RNF170: variants seen among roughly 807,000 people sequenced by gnomAD.
RNF170 encodes the protein ring finger protein 170.
A neutral mutation model predicts 32.7 loss-of-function variants in RNF170; 12 were observed. The observed-to-expected ratio is 0.37, with a 90% CI of 0.24 to 0.60. RNF170 has a LOEUF of 0.60. RNF170 is among the 20% of genes least tolerant of loss of function. RNF170 has a pLI of 0.72. For synonymous variants in RNF170, 91 were observed against 103.6 expected (o/e 0.88, Z 0.74); for missense variants, 212 against 311.2 (o/e 0.68, Z 2.40).
At chr8:42,860,458 T>C (rs1803572082) in intron 6 of RNF170, among the ~76,000 whole-genome samples, 1 of 151,950 alleles carries the variant, frequency 6.6e-6, no homozygotes, top group African/African-American at 2.4e-5. Flanking sequence ...AGTCTCACTC[T>C]GTTGCCCAGG....
chr8:42,877,666 CTA>C (rs891484676), intron 2 of RNF170, among the ~76,000 whole-genome samples: 8 of 152,070 alleles, frequency 5.3e-5, no homozygotes, highest in Admixed American at 5.2e-4. Flanking sequence ...AGAGTTAAAA[CTA>C]TACAAATTTT....
intron 1 of RNF170, among the ~76,000 whole-genome samples, chr8:42,894,556 C>A (rs769724369): frequency 2.0e-5 from 3 of 152,116 alleles, no homozygotes; most frequent in Non-Finnish European, 2.9e-5. Context: ...ACAGGCGAGA[C>A]ACACATGTGT....
chr8:42,889,048 G>A (rs1806079878), intron 1 of RNF170, among the ~76,000 whole-genome samples: 1 of 152,156 alleles, frequency 6.6e-6, no homozygotes, highest in East Asian at 1.9e-4. Context: ...CATACTTACA[G>A]TGTTGTAATT....
rs1255139524 is a variant in RNF170 at position 42,858,613 on chromosome 8, C to T, written c.508-2185G>A. On this transcript the variant is annotated intron_variant, in intron 6 of 6. Transcript: ENST00000527424. ...CGCCATGAAGGAAAGGTACAGAGGG[C>T]GCCACAGAGCAGGGAAAACTTCTCC... Among the ~76,000 whole-genome samples the T allele has an allele frequency of 1.1e-4, 16 of 152,208 alleles. 1 individual carries two copies. The highest frequency in any genetic ancestry group is 3.4e-3 in the Middle Eastern group (1 of 294).
chr8:42,860,329 GATTT>G (rs542866814), intron 6 of RNF170, among the ~76,000 whole-genome samples: 267 of 152,320 alleles, frequency 1.8e-3, no homozygotes, highest in Middle Eastern at 6.8e-3. Context: ...GCTAGTTTTT[GATTT>G]ATCAAATACT....
intron 3 of RNF170, among the ~76,000 whole-genome samples, chr8:42,871,105 G>C (rs1346490107): frequency 6.6e-6 from 1 of 152,058 alleles, no homozygotes; most frequent in African/African-American, 2.4e-5. Flanking sequence ...AGCTACTCGG[G>C]AGGGTGAGGT....
intron 4 of RNF170, among the ~76,000 whole-genome samples, chr8:42,868,389 G>A (rs932753382): frequency 1.3e-5 from 2 of 152,120 alleles, no homozygotes; most frequent in Admixed American, 1.3e-4. Flanking sequence ...CCTACATTTT[G>A]GGAGCAATAA....
chr8:42,861,724 A>G (rs1803676885), intron 6 of RNF170, 21 bp downstream of exon 6: 1 of 1,535,940 alleles, frequency 6.5e-7, no homozygotes, highest in African/African-American at 1.4e-5. Context: ...CTAACTTTGA[A>G]CATGCTTTAG....
intron 6 of RNF170, among the ~76,000 whole-genome samples, chr8:42,859,012 A>G (rs759359149): frequency 1.3e-5 from 2 of 151,758 alleles, no homozygotes; most frequent in African/African-American, 2.4e-5. Context: ...GCGAAACCCC[A>G]TCTCTACAAA....
Position 42,871,205 on chromosome 8 carries a change from C to CA in RNF170, c.214-1094dup, listed in dbSNP as rs35764216. ...TGCCTGGGCAACAGAGACCCTGTCT[C>CA]AAAAAAAAAAAGTGTCTACATAACA... On this transcript the variant is annotated intron_variant, in intron 3 of 6. Coordinates refer to ENST00000527424, the MANE Select transcript of RNF170 (RefSeq NM_030954.4). Among the ~76,000 whole-genome samples, 206 of 140,012 alleles carry CA rather than the reference C, an allele frequency of 1.5e-3. 1 individual carries two copies. The highest frequency in any genetic ancestry group is 0.011 in the South Asian group (50 of 4,482). The allele number at this position is 140,012 out of a possible 152,430, so 91.9% of individuals were successfully genotyped here. A position where few individuals can be genotyped will look rare whatever the true frequency, so the allele number is the denominator to read the frequency against.
rs772860155 is a variant in RNF170, at chr8:42,890,260, CTT to C, written c.-7-2391_-7-2390del. 1.9e-4 allele frequency among the ~76,000 whole-genome samples: 26 copies of C among 140,406 alleles called. 1 individual carries two copies. The highest frequency in any genetic ancestry group is 7.9e-4 in the Admixed American group (11 of 13,946). 92.1% of individuals were successfully genotyped at this position (140,406 alleles called of 152,430 possible). ...TATTTGACTACTATGTGATTATATT[CTT>C]TTTTTTTTTTGAGACTTTTTTTTTT... is the stretch of plus-strand genomic sequence containing the variant. On this transcript the variant is annotated intron_variant, in intron 1 of 6. Coordinates refer to ENST00000527424, the MANE Select transcript of RNF170 (RefSeq NM_030954.4).
At chr8:42,858,561 CAAG>C (rs1388153153) in intron 6 of RNF170, among the ~76,000 whole-genome samples, 1 of 152,102 alleles carries the variant, frequency 6.6e-6, no homozygotes, top group Admixed American at 6.5e-5. Context: ...AGATAATGAA[CAAG>C]AATTGAGTGC....
Position 42,887,751 on chromosome 8 carries a change from A to G in RNF170, c.114T>C (p.Ala38=), listed in dbSNP as rs756248427. The stretch of plus-strand genomic sequence containing the variant: ...ACCTGAAAAGTGCATATACCAGGGT[A>G]GCAATCAAAGCGAAACTGACCACAA... ...VAVVVSFALI[A]TLVYALFRNV... The change falls in exon 2 of 7, where the codon GCT becomes GCC. Residue 38 remains alanine, a synonymous_variant. Transcript: ENST00000527424. 2 of 1,613,996 alleles carry G rather than the reference A, an allele frequency of 1.2e-6. No homozygotes were observed. Among genetic ancestry groups the G allele is most frequent in the East Asian group, 4.5e-5 (2 of 44,888 alleles).
In RNF170 at chr8:42,890,541, T is replaced by G. The variant is rs150749189; in HGVS notation, c.-7-2670A>C. Among the ~76,000 whole-genome samples the G allele has an allele frequency of 3.0e-4, 46 of 152,234 alleles. No individual in the cohort carries two copies. In the East Asian group the frequency reaches 8.7e-3, roughly 29 times the overall value. On this transcript the variant is annotated intron_variant, in intron 1 of 6. Transcript: ENST00000527424. The stretch of plus-strand genomic sequence containing the variant: ...ATACACCCACTTCAGCCTCCCAAAG[T>G]GCTGGGATTACAGGTGTGAGCCACT...
rs749265502 is a variant in RNF170 at position 42,873,886 on chromosome 8, A to G, written c.213+45T>C. On this transcript the variant is annotated intron_variant, in intron 3 of 6. Coordinates refer to ENST00000527424, the MANE Select transcript of RNF170 (RefSeq NM_030954.4). ...TGTTTTATCACAATTTCACATGCAA[A>G]GGGAGCTATCACATCTACTCCTCAA... 6 of 1,030,782 alleles carry G rather than the reference A, an allele frequency of 5.8e-6. No individual in the cohort carries two copies. The South Asian group carries it at 7.7e-5, about 13-fold the overall frequency. 63.9% of individuals were successfully genotyped at this position (1,030,782 alleles called of 1,614,324 possible).
chr8:42,883,188 C>G (rs1167860355), intron 2 of RNF170, among the ~76,000 whole-genome samples: 2 of 152,022 alleles, frequency 1.3e-5, no homozygotes, highest in African/African-American at 2.4e-5. Flanking sequence ...GAAATACTAC[C>G]TATTGAGTAC....
downstream of RNF170, chr8:42,853,236 A>G (rs570584954): frequency 2.3e-5 from 16 of 710,220 alleles, no homozygotes; most frequent in Non-Finnish European, 2.7e-5. Flanking sequence ...ATTATACTGA[A>G]TGCTCTTTCA....
Position 42,854,754 on chromosome 8 carries a change from C to T in RNF170, c.*1405G>A, listed in dbSNP as rs959448251. ...CAGATGACAATGCTAACACTGACTC[C>T]TGGGCATCCCCTCACATCCTGCTGT... On this transcript the variant is annotated 3_prime_UTR_variant, in exon 7 of 7. Coordinates refer to ENST00000527424, the MANE Select transcript of RNF170 (RefSeq NM_030954.4). 7.8e-7 allele frequency: 1 copy of T among 1,287,336 alleles called. No homozygotes were observed. Among genetic ancestry groups the T allele is most frequent in the African/African-American group, 1.5e-5 (1 of 65,774 alleles). The allele number at this position is 1,287,336 out of a possible 1,614,324, so 79.7% of individuals were successfully genotyped here.
intron 5 of RNF170, among the ~76,000 whole-genome samples, chr8:42,864,955 T>TA (rs746102377): frequency 0.048 from 6,850 of 143,930 alleles, 295 homozygotes; most frequent in African/African-American, 0.12. Context: ...GGGTACAGTT[T>TA]AAAAAAAAAA....
Sources: allele counts gnomAD v4.1 joint callset (sites outside exome capture counted in the v4.1 genomes callset), GRCh38; gene constraint gnomAD v4.1.1; transcripts MANE v1.5; gene names NCBI Gene and HGNC (gene_info 2026-07-23, HGNC 2026-07-21).